ATP6V1D: variants seen among roughly 807,000 people sequenced by gnomAD.
The protein encoded by ATP6V1D is ATPase H+ transporting V1 subunit D.
Under a neutral mutation model 39.4 loss-of-function variants are expected in ATP6V1D, and 20 were observed. That is an observed-to-expected ratio of 0.51 (90% CI 0.36 to 0.74). ATP6V1D has a LOEUF of 0.74. Ranked by LOEUF, ATP6V1D falls within the 30% of genes least tolerant of loss-of-function variation. ATP6V1D has a pLI of 0.00. For synonymous variants in ATP6V1D, 100 were observed against 100.5 expected (o/e 0.99, Z 0.03); for missense variants, 228 against 291.6 (o/e 0.78, Z 1.59).
rs889969567 is a variant in ATP6V1D at position 67,351,554 on chromosome 14, G to A, written c.160-864C>T. On this transcript the variant is annotated intron_variant, in intron 2 of 8. Coordinates refer to ENST00000216442, the MANE Select transcript of ATP6V1D (RefSeq NM_015994.4). ...GACAAGGTCTTACTTTGTTGCCTGG[G>A]CTAGAGTACAGTGGTGTAATCATAG... 3.3e-5 allele frequency among the ~76,000 whole-genome samples: 5 copies of A among 152,158 alleles called. 1 individual carries two copies. In the South Asian group the frequency reaches 1.0e-3, roughly 32 times the overall value.
rs183659275 is a variant in ATP6V1D, at chr14:67,342,986, T to C, written c.523+386A>G. ...AGAAATCAAGGAGAATGGCTTATAC[T>C]GATTTAAAGTTAAATATTTAATGTA... On this transcript the variant is annotated intron_variant, in intron 7 of 8. Coordinates refer to ENST00000216442, the MANE Select transcript of ATP6V1D (RefSeq NM_015994.4). 3.3e-3 allele frequency among the ~76,000 whole-genome samples: 501 copies of C among 152,320 alleles called. 3 individuals carry two copies. Among genetic ancestry groups the C allele is most frequent in the Non-Finnish European group, 4.2e-3 (288 of 68,022 alleles).
intron 5 of ATP6V1D, 99 bp downstream of exon 5, chr14:67,347,310 C>A: frequency 1.1e-6 from 1 of 934,790 alleles, no homozygotes; most frequent in East Asian, 2.5e-5. Flanking sequence ...AACTCAGGAA[C>A]CTCTCAACAT....
At chr14:67,340,155 T>C in intron 8 of ATP6V1D, 1 of 299,956 alleles carries the variant, frequency 3.3e-6, no homozygotes, top group Non-Finnish European at 6.4e-6. Context: ...CACTTTTCAC[T>C]ACTGCATTTG....
At chr14:67,359,350 G>C (rs1162890086) in intron 1 of ATP6V1D, among the ~76,000 whole-genome samples, 4 of 152,172 alleles carry the variant, frequency 2.6e-5, no homozygotes, top group African/African-American at 4.8e-5. Context: ...TAAATCCAGT[G>C]CCCGGCTCAA....
intron 8 of ATP6V1D, 95 bp from the exon 9 acceptor site, chr14:67,338,857 A>G: frequency 2.8e-6 from 3 of 1,088,470 alleles, no homozygotes; most frequent in Non-Finnish European, 3.8e-6. Context: ...TAATAAACAC[A>G]TACCTAGAAA....
chr14:67,354,801 T>C (rs2085674887), intron 1 of ATP6V1D, among the ~76,000 whole-genome samples: 1 of 152,182 alleles, frequency 6.6e-6, no homozygotes. Flanking sequence ...CTATATTCTT[T>C]TGTACCTTTT....
chr14:67,341,726 G>A (rs2085585630), intron 7 of ATP6V1D, among the ~76,000 whole-genome samples: 1 of 152,264 alleles, frequency 6.6e-6, no homozygotes, highest in Admixed American at 6.5e-5. Context: ...GACAATGGCG[G>A]TTTTGTGGAA....
At chr14:67,343,933 A>G (rs982828685) in intron 6 of ATP6V1D, among the ~76,000 whole-genome samples, 31 of 152,216 alleles carry the variant, frequency 2.0e-4, no homozygotes, top group African/African-American at 7.0e-4. Context: ...GATAACCTAC[A>G]TGTCACATTT....
intron 8 of ATP6V1D, chr14:67,340,014 G>C (rs2085567687): frequency 7.1e-6 from 1 of 140,950 alleles, no homozygotes; most frequent in Admixed American, 7.7e-5. Context: ...CTGGGTGACA[G>C]AGCAAGACTC....
chr14:67,350,855 T>C (rs1169023243), intron 2 of ATP6V1D, among the ~76,000 whole-genome samples, 165 bp from the exon 3 acceptor site: 1 of 152,222 alleles, frequency 6.6e-6, no homozygotes, highest in Non-Finnish European at 1.5e-5. Context: ...ACAGTTTTGG[T>C]TATGATCACT....
Position 67,338,681 on chromosome 14 carries a change from C to A in ATP6V1D, c.684G>T (p.Glu228Asp), listed in dbSNP as rs776231135. Residue 228 changes from glutamate (E) to aspartate (D), a missense_variant, in exon 9 of 9, where the codon GAG becomes GAT. Coordinates refer to ENST00000216442, the MANE Select transcript of ATP6V1D (RefSeq NM_015994.4). ...CCAGAAGATTAGCAGGCTCCAACAC[C>A]TCTCCAGCTGCTCTCCTTTGCTCCA... ...KDLEQRRAAG[E>D]VLEPANLLAE... 1.9e-6 allele frequency: 3 copies of A among 1,613,900 alleles called. No individual in the cohort carries two copies. Among genetic ancestry groups the A allele is most frequent in the Non-Finnish European group, 2.5e-6 (3 of 1,179,916 alleles).
chr14:67,338,704 C>T lies in ATP6V1D; in HGVS notation c.661G>A (p.Glu221Lys). The change falls in exon 9 of 9, where the codon GAG (glutamate) becomes AAG (lysine). Residue 221 changes from glutamate to lysine, a missense_variant. Coordinates refer to ENST00000216442, the MANE Select transcript of ATP6V1D (RefSeq NM_015994.4). ...ILKEKSEKDL[E>K]QRRAAGEVLE... ...ACCTCTCCAGCTGCTCTCCTTTGCT[C>T]CAAGTCCTTCTCAGATTTTTCCTTT... 6.2e-7 allele frequency: 1 copy of T among 1,613,834 alleles called. No individual in the cohort carries two copies. The highest frequency in any genetic ancestry group is 8.5e-7 in the Non-Finnish European group (1 of 1,179,754).
intron 4 of ATP6V1D, 165 bp downstream of exon 4, chr14:67,348,872 G>C: frequency 1.4e-6 from 1 of 692,160 alleles, no homozygotes; most frequent in Non-Finnish European, 2.4e-6. Flanking sequence ...GTTATCCTGA[G>C]TAATTAGAAA....
intron 1 of ATP6V1D, among the ~76,000 whole-genome samples, chr14:67,354,496 C>A (rs1176120687): frequency 6.6e-6 from 1 of 152,082 alleles, no homozygotes; most frequent in Non-Finnish European, 1.5e-5. Context: ...TGTACAAAAA[C>A]ACGTGCAAGG....
chr14:67,352,461 A>C (rs2085661825), intron 2 of ATP6V1D, among the ~76,000 whole-genome samples: 1 of 152,084 alleles, frequency 6.6e-6, no homozygotes, highest in South Asian at 2.1e-4. Flanking sequence ...CTAGAAATAA[A>C]ATGTCATACC....
At chr14:67,350,197 C>G (rs10129185) in intron 3 of ATP6V1D, among the ~76,000 whole-genome samples, 1 of 151,940 alleles carries the variant, frequency 6.6e-6, no homozygotes, top group Admixed American at 6.6e-5. Flanking sequence ...ATTTATCCTA[C>G]GGGAATAATT....
intron 1 of ATP6V1D, among the ~76,000 whole-genome samples, chr14:67,357,700 T>C (rs1393812904): frequency 6.6e-6 from 1 of 152,198 alleles, no homozygotes; most frequent in Non-Finnish European, 1.5e-5. Context: ...CTGAGCTCAA[T>C]TCTCATTTGT....
At chr14:67,355,161 G>T (rs1433013474) in intron 1 of ATP6V1D, among the ~76,000 whole-genome samples, 3 of 151,962 alleles carry the variant, frequency 2.0e-5, no homozygotes, top group Non-Finnish European at 4.4e-5. Flanking sequence ...TAAAAGTGTG[G>T]TATTAACATG....
chr14:67,345,908 T>C, intron 5 of ATP6V1D, 37 bp from the exon 6 acceptor site: 1 of 1,314,366 alleles, frequency 7.6e-7, no homozygotes, highest in South Asian at 1.2e-5. Context: ...TTAATTAGAG[T>C]AAAATATCTT....
Sources: allele counts gnomAD v4.1 joint callset (sites outside exome capture counted in the v4.1 genomes callset), GRCh38; gene constraint gnomAD v4.1.1; transcripts MANE v1.5; gene names NCBI Gene and HGNC (gene_info 2026-07-23, HGNC 2026-07-21).